Variants in SV2B observed in about 807,000 individuals in gnomAD.
The protein encoded by SV2B is synaptic vesicle glycoprotein 2B, also known as solute carrier family 22 member B2.
Under a neutral mutation model 73.9 loss-of-function variants are expected in SV2B, and 41 were observed. The ratio of observed to expected loss-of-function variants is 0.56; its 90% CI spans 0.43 to 0.72. The LOEUF is 0.72. SV2B is among the 30% of genes least tolerant of loss of function. SV2B has a pLI of 0.00. For missense variants in SV2B, 764 were observed against 857.8 expected, an observed-to-expected ratio of 0.89 and a Z score of 1.37; for synonymous variants, 314 against 314.2, an observed-to-expected ratio of 1.00 and a Z score of 0.01.
chr15:91,154,624 T>C (rs780965468), intron 1 of SV2B, among the ~76,000 whole-genome samples: 6 of 151,774 alleles, frequency 4.0e-5, no homozygotes, highest in Non-Finnish European at 8.8e-5. Context: ...TGGATTAGAG[T>C]GGGCCCTATT....
intron 1 of SV2B, among the ~76,000 whole-genome samples, chr15:91,191,342 C>T (rs1488758857): frequency 6.6e-6 from 1 of 152,034 alleles, no homozygotes; most frequent in Non-Finnish European, 1.5e-5. Flanking sequence ...CTGCTGAGCC[C>T]AGTTCTAGCA....
At chr15:91,131,020 G>A (rs1331730893) in intron 1 of SV2B, among the ~76,000 whole-genome samples, 1 of 151,986 alleles carries the variant, frequency 6.6e-6, no homozygotes, top group African/African-American at 2.4e-5. Flanking sequence ...ACGCTGTGGA[G>A]GGAGAGGAGG....
intron 1 of SV2B, among the ~76,000 whole-genome samples, chr15:91,142,239 A>G (rs1008609543): frequency 4.0e-5 from 6 of 151,792 alleles, no homozygotes; most frequent in African/African-American, 1.5e-4. Flanking sequence ...TTCTGTGCTT[A>G]CTCTGTCCAG....
chr15:91,188,610 C>T (rs1445507130), intron 1 of SV2B, among the ~76,000 whole-genome samples: 6 of 151,902 alleles, frequency 3.9e-5, no homozygotes, highest in Non-Finnish European at 8.8e-5. Flanking sequence ...CCACCACTCC[C>T]GGCCTGAATG....
rs559958103 is a variant in SV2B at position 91,229,744 on chromosome 15, G to T, written c.451+3030G>T. ...CTTAGTTATTATTATTGTCGATTGT[G>T]GTTGTTCTTATTACTAAACTGATTG... On this transcript the variant is annotated intron_variant, in intron 2 of 12. Coordinates refer to ENST00000394232, the MANE Select transcript of SV2B (RefSeq NM_001323032.3). The surrounding 1 kb of genome is among the most constrained non-coding windows in gnomAD (Gnocchi z 4.3). Among the ~76,000 whole-genome samples, 113 of 152,270 alleles carry T rather than the reference G, an allele frequency of 7.4e-4. No homozygotes were observed. The highest frequency in any genetic ancestry group is 2.6e-3 in the African/African-American group (106 of 41,564).
chr15:91,173,162 G>A (rs543704253), intron 1 of SV2B, among the ~76,000 whole-genome samples: 1 of 152,330 alleles, frequency 6.6e-6, no homozygotes, highest in East Asian at 1.9e-4. Flanking sequence ...GAGGCATATA[G>A]AGGCCATTGG....
At chr15:91,248,800 A>G (rs186529948) in intron 2 of SV2B, among the ~76,000 whole-genome samples, 16 of 152,290 alleles carry the variant, frequency 1.1e-4, no homozygotes, top group Non-Finnish European at 2.4e-4. Flanking sequence ...TCCCCAGGTG[A>G]TTTATGTGCA....
At chr15:91,135,632 G>A (rs913112891) in intron 1 of SV2B, among the ~76,000 whole-genome samples, 2 of 152,134 alleles carry the variant, frequency 1.3e-5, no homozygotes, top group East Asian at 1.9e-4. Context: ...AAACCATGAC[G>A]CCATCCTGCC....
chr15:91,198,294 T>G (rs73507014), intron 1 of SV2B, among the ~76,000 whole-genome samples: 4,872 of 152,298 alleles, frequency 0.032, 242 homozygotes, highest in African/African-American at 0.11. Context: ...ATTTCTGTAT[T>G]TGAAATATTT....
chr15:91,249,691 T>G (rs1252349627), intron 2 of SV2B, among the ~76,000 whole-genome samples: 1 of 152,190 alleles, frequency 6.6e-6, no homozygotes, highest in Non-Finnish European at 1.5e-5. Flanking sequence ...GCATTACAAC[T>G]GATACCACAG....
Position 91,241,603 on chromosome 15 carries a change from A to T in SV2B, c.452-10216A>T, listed in dbSNP as rs908070573. Among the ~76,000 whole-genome samples the T allele has an allele frequency of 3.9e-5, 6 of 152,162 alleles. No individual in the cohort carries two copies. The highest frequency in any genetic ancestry group is 1.4e-4 in the African/African-American group (6 of 41,428). ...CAGTTCCTCCTGAACTGAGAACAACAGAAGTAACCGGAGAAGAACTTCTAT... is the reference window on the plus strand; with the variant it reads ...CAGTTCCTCCTGAACTGAGAACAACTGAAGTAACCGGAGAAGAACTTCTAT... On this transcript the variant is annotated intron_variant, in intron 2 of 12. Transcript: ENST00000394232. This position sits in a 1 kb window ranked among gnomAD's most constrained non-coding sequence, Gnocchi z 4.8.
In SV2B at chr15:91,227,631, A is replaced by T. The variant is rs141382829; in HGVS notation, c.451+917A>T. Among the ~76,000 whole-genome samples, 121 of 152,356 alleles carry T rather than the reference A, an allele frequency of 7.9e-4. No individual in the cohort carries two copies. The highest frequency in any genetic ancestry group is 2.8e-3 in the African/African-American group (118 of 41,588). ...TCAAGAGCTCAAAATCTATCTAGCA[A>T]TTCAGCTCCTTCATTCAACAAATAT... On this transcript the variant is annotated intron_variant, in intron 2 of 12. Coordinates refer to ENST00000394232, the MANE Select transcript of SV2B (RefSeq NM_001323032.3). The surrounding 1 kb of genome is among the most constrained non-coding windows in gnomAD (Gnocchi z 4.5).
intron 1 of SV2B, among the ~76,000 whole-genome samples, chr15:91,186,583 G>T (rs568863476): frequency 3.9e-5 from 6 of 152,268 alleles, no homozygotes; most frequent in South Asian, 2.1e-4. Flanking sequence ...GAATTATTAA[G>T]CAAGTTTTGG....
At chr15:91,116,896 A>T (rs1222802491) in intron 1 of SV2B, among the ~76,000 whole-genome samples, 1 of 152,232 alleles carries the variant, frequency 6.6e-6, no homozygotes, top group African/African-American at 2.4e-5. Flanking sequence ...GTGCAGGGGA[A>T]CTGCTCTTTA....
chr15:91,284,638 CT>C lies in SV2B; in HGVS notation c.1708+420del, dbSNP rs1349033918. ...TATTTAATAGCAATACCACTTTAGGCTTTGGAGTTGGACAGAGTCATGTTGA... is the reference window on the plus strand; with the variant it reads ...TATTTAATAGCAATACCACTTTAGGCTTGGAGTTGGACAGAGTCATGTTGA... On this transcript the variant is annotated intron_variant, in intron 11 of 12. Coordinates refer to ENST00000394232, the MANE Select transcript of SV2B (RefSeq NM_001323032.3). This position sits in a 1 kb window ranked among gnomAD's most constrained non-coding sequence, Gnocchi z 4.5. Among the ~76,000 whole-genome samples the C allele has an allele frequency of 6.6e-6, 1 of 152,136 alleles. No homozygotes were observed. The highest frequency in any genetic ancestry group is 1.5e-5 in the Non-Finnish European group (1 of 68,020).
At position 91,130,459 on chromosome 15, in the gene SV2B, G is replaced by T. The variant is rs1183926538; in HGVS notation, c.-392+30096G>T. 6.6e-6 allele frequency among the ~76,000 whole-genome samples: 1 copy of T among 152,170 alleles called. No homozygotes were observed. The highest frequency in any genetic ancestry group is 1.5e-5 in the Non-Finnish European group (1 of 68,038). ...GAAAATCTCATGCTAGAACCATAGA[G>T]AAGATTTGCATTGAAAATGGAAGTG... On this transcript the variant is annotated intron_variant, in intron 1 of 12. Coordinates refer to ENST00000394232, the MANE Select transcript of SV2B (RefSeq NM_001323032.3). This position sits in a 1 kb window ranked among gnomAD's most constrained non-coding sequence, Gnocchi z 5.6.
At chr15:91,219,960 C>T (rs1307317506) in intron 1 of SV2B, among the ~76,000 whole-genome samples, 2 of 152,148 alleles carry the variant, frequency 1.3e-5, no homozygotes, top group African/African-American at 2.4e-5. Context: ...TAATTTGTTT[C>T]TTTTTTATTG....
In SV2B at chr15:91,131,663, C is replaced by CA. The variant is rs898940463; in HGVS notation, c.-392+31308dup. Among the ~76,000 whole-genome samples, 14 of 145,794 alleles carry CA rather than the reference C, an allele frequency of 9.6e-5. 1 individual carries two copies. The highest frequency in any genetic ancestry group is 2.2e-4 in the South Asian group (1 of 4,568). ...CTACAAAAAATTTGAAAAAAAAAAA[C>CA]AAAAAAAACAAAAAAGTGGCTGAGT... On this transcript the variant is annotated intron_variant, in intron 1 of 12. Transcript: ENST00000394232.
chr15:91,248,276 G>A (rs189996205), intron 2 of SV2B, among the ~76,000 whole-genome samples: 36 of 152,196 alleles, frequency 2.4e-4, no homozygotes, highest in African/African-American at 6.0e-4. Context: ...AGCCGAGATC[G>A]TGCCACTACA....
Sources: allele counts gnomAD v4.1 joint callset (sites outside exome capture counted in the v4.1 genomes callset), GRCh38; gene constraint gnomAD v4.1.1; non-coding constraint Gnocchi (gnomAD v3.1); transcripts MANE v1.5; gene names NCBI Gene and HGNC (gene_info 2026-07-23, HGNC 2026-07-21).